VRK2: variants seen among roughly 807,000 people sequenced by gnomAD.
VRK2 encodes the protein serine/threonine-protein kinase VRK2.
Under a neutral mutation model 57.6 loss-of-function variants are expected in VRK2, and 60 were observed. The observed-to-expected ratio is 1.04, with a 90% CI of 0.85 to 1.29. VRK2 has a LOEUF of 1.29. Ranked by LOEUF, VRK2 falls within the 50% of genes most tolerant of loss-of-function variation. The probability of loss-of-function intolerance (pLI) is 0.00; values close to 1 mark genes in which losing one functional copy is unlikely to be tolerated. For synonymous variants in VRK2, 231 were observed against 199.2 expected (o/e 1.16, Z -1.35); for missense variants, 705 against 588.1 (o/e 1.20, Z -2.06).
At chr2:58,086,309 A>G in intron 4 of VRK2, 30 bp from the exon 5 acceptor site, 12 of 1,556,950 alleles carry the variant, frequency 7.7e-6, no homozygotes, top group South Asian at 1.2e-5. Flanking sequence ...AATAACATGA[A>G]TCTTTTTAAA....
intron 1 of VRK2, among the ~76,000 whole-genome samples, chr2:58,019,976 A>G (rs1447560809): frequency 2.0e-5 from 3 of 152,212 alleles, no homozygotes; most frequent in Non-Finnish European, 2.9e-5. Flanking sequence ...TAAATCTAAA[A>G]CAACGTGACA....
chr2:57,908,842 G>A (rs1016466964), intron 1 of VRK2, among the ~76,000 whole-genome samples: 1 of 152,116 alleles, frequency 6.6e-6, no homozygotes, highest in Non-Finnish European at 1.5e-5. Context: ...GTGACCTAAG[G>A]GTTGCTGGGT....
At chr2:57,983,837 T>C (rs541771155) in intron 1 of VRK2, among the ~76,000 whole-genome samples, 154 of 152,318 alleles carry the variant, frequency 1.0e-3, no homozygotes, top group Middle Eastern at 3.4e-3. Context: ...TAGAAAATAG[T>C]TGATGAAATA....
intron 1 of VRK2, among the ~76,000 whole-genome samples, chr2:57,935,762 C>T (rs1159668024): frequency 2.0e-5 from 3 of 152,170 alleles, no homozygotes; most frequent in Admixed American, 6.5e-5. Context: ...GCTAGAGGAA[C>T]AAGGTGCTCC....
intron 2 of VRK2, among the ~76,000 whole-genome samples, chr2:58,059,368 T>C (rs529297438): frequency 6.6e-6 from 1 of 152,092 alleles, no homozygotes; most frequent in East Asian, 1.9e-4. Flanking sequence ...AACAGGAAGA[T>C]CTAAATAGAC....
intron 1 of VRK2, among the ~76,000 whole-genome samples, chr2:58,020,210 A>G (rs1335504927): frequency 6.6e-6 from 1 of 152,190 alleles, no homozygotes; most frequent in Non-Finnish European, 1.5e-5. Context: ...AATTGCCAAG[A>G]TAAACTGTTT....
intron 2 of VRK2, among the ~76,000 whole-genome samples, chr2:58,069,583 C>A (rs2103974902): frequency 6.6e-6 from 1 of 152,160 alleles, no homozygotes; most frequent in African/African-American, 2.4e-5. Flanking sequence ...TTATTAGATA[C>A]CACTCTCTTT....
At chr2:58,154,012 G>A (rs1003900602) in intron 12 of VRK2, among the ~76,000 whole-genome samples, 11 of 152,054 alleles carry the variant, frequency 7.2e-5, no homozygotes, top group Non-Finnish European at 1.0e-4. Context: ...TTCATCTTGA[G>A]TTAGTTTTGG....
intron 1 of VRK2, among the ~76,000 whole-genome samples, chr2:57,946,322 T>G (rs985024264): frequency 3.3e-5 from 5 of 150,474 alleles, no homozygotes; most frequent in Admixed American, 6.6e-5. Flanking sequence ...GTCTCCTCTG[T>G]TTTTTTTTGG....
At chr2:58,024,406 G>A (rs922257345) in intron 1 of VRK2, among the ~76,000 whole-genome samples, 11 of 152,012 alleles carry the variant, frequency 7.2e-5, no homozygotes, top group Admixed American at 5.9e-4. Flanking sequence ...TTTTTTTGGG[G>A]GGGTGCTATT....
chr2:58,129,487 T>G (rs1678847583), intron 8 of VRK2, among the ~76,000 whole-genome samples: 1 of 152,102 alleles, frequency 6.6e-6, no homozygotes, highest in Non-Finnish European at 1.5e-5. Context: ...AATTTGAAAA[T>G]TGTATAATTA....
At chr2:58,047,092 C>G (rs1288982020) in intron 1 of VRK2, 16 of 620,036 alleles carry the variant, frequency 2.6e-5, no homozygotes, top group Non-Finnish European at 2.6e-5. Context: ...CTTCTACTCA[C>G]GTTTGCCAAA....
chr2:57,974,624 T>C (rs1228715976), intron 1 of VRK2, among the ~76,000 whole-genome samples: 1 of 151,826 alleles, frequency 6.6e-6, no homozygotes, highest in Admixed American at 6.6e-5. Context: ...ACATATAAAC[T>C]GTGAGATAAA....
intron 3 of VRK2, among the ~76,000 whole-genome samples, chr2:58,039,397 CCT>C (rs1674375168): frequency 6.6e-6 from 1 of 152,166 alleles, no homozygotes; most frequent in Admixed American, 6.6e-5. Flanking sequence ...CTTTCATATT[CCT>C]CTCTCCTTAT....
intron 1 of VRK2, among the ~76,000 whole-genome samples, chr2:57,960,103 G>C (rs1671712878): frequency 6.6e-6 from 1 of 151,636 alleles, no homozygotes; most frequent in African/African-American, 2.4e-5. Flanking sequence ...AAAAGCAAAG[G>C]CATTTTTCTC....
chr2:58,042,072 G>A (rs973853345), upstream of VRK2, among the ~76,000 whole-genome samples: 4 of 152,062 alleles, frequency 2.6e-5, no homozygotes, highest in South Asian at 2.1e-4. Flanking sequence ...GCTGTATCCC[G>A]GGCATGTCCT....
At chr2:57,928,777 G>C (rs890960525) in intron 1 of VRK2, among the ~76,000 whole-genome samples, 10 of 152,192 alleles carry the variant, frequency 6.6e-5, no homozygotes, top group Non-Finnish European at 1.5e-4. Context: ...GGCATCCAAA[G>C]CCCAGTAATG....
At chr2:57,975,506 A>C (rs1428070207) in intron 1 of VRK2, among the ~76,000 whole-genome samples, 3 of 151,882 alleles carry the variant, frequency 2.0e-5, no homozygotes, top group Non-Finnish European at 4.4e-5. Flanking sequence ...TTTCAATTTT[A>C]TTTTAGATTT....
At chr2:58,146,220 C>A in intron 11 of VRK2, 96 bp from the exon 12 acceptor site, 4 of 1,091,638 alleles carry the variant, frequency 3.7e-6, no homozygotes, top group East Asian at 2.9e-5. Context: ...TAAAGCTTGG[C>A]AAGTTTAGAG....
Sources: allele counts gnomAD v4.1 joint callset (sites outside exome capture counted in the v4.1 genomes callset), GRCh38; gene constraint gnomAD v4.1.1; transcripts MANE v1.5; gene names NCBI Gene and HGNC (gene_info 2026-07-23, HGNC 2026-07-21).